The following SVIL variants were observed in gnomAD, a reference collection of about 807,000 sequenced individuals.
SVIL encodes archvillin.
In SVIL, 101 loss-of-function variants were observed where a neutral mutation model predicts 240.4. The observed-to-expected ratio is 0.42, with a 90% CI of 0.36 to 0.50. The LOEUF (loss-of-function observed/expected upper bound fraction) is 0.50, where lower values mean the gene tolerates loss of function less well. SVIL is among the 20% of genes least tolerant of loss of function. SVIL has a pLI of 0.01. For missense variants in SVIL, 2,512 were observed against 2,818.7 expected (o/e 0.89, Z 2.46); for synonymous variants, 999 against 1,100.0 (o/e 0.91, Z 1.82).
chr10:29,475,473 G>A (rs892773754), intron 29 of SVIL: 6 of 152,216 alleles, frequency 3.9e-5, no homozygotes, highest in African/African-American at 1.2e-4. Flanking sequence ...TGATGAACTC[G>A]ATGCTGGGTG....
chr10:29,664,577 T>A (rs776933353), intron 2 of SVIL, among the ~76,000 whole-genome samples: 6 of 152,116 alleles, frequency 3.9e-5, no homozygotes, highest in Admixed American at 2.6e-4. Context: ...TAATAATAAC[T>A]GTTGTTATTT....
chr10:29,462,634 A>G (rs1944398351), intron 35 of SVIL, among the ~76,000 whole-genome samples: 1 of 152,162 alleles, frequency 6.6e-6, no homozygotes, highest in African/African-American at 2.4e-5. Flanking sequence ...TCTTGAACCT[A>G]ACAAAACGCT....
intron 16 of SVIL, among the ~76,000 whole-genome samples, chr10:29,515,238 T>G (rs3780851): frequency 0.44 from 66,462 of 152,034 alleles, 15,194 homozygotes; most frequent in African/African-American, 0.55. Flanking sequence ...CTCGAATGTT[T>G]AACAACACCC....
intron 1 of SVIL, among the ~76,000 whole-genome samples, chr10:29,728,326 A>G (rs750451341): frequency 2.6e-5 from 4 of 152,372 alleles, no homozygotes; most frequent in African/African-American, 9.6e-5. Flanking sequence ...CGGGCAAGGA[A>G]AGCCAAAATA....
chr10:29,506,169 C>G (rs954472170), intron 17 of SVIL, among the ~76,000 whole-genome samples: 1 of 152,036 alleles, frequency 6.6e-6, no homozygotes, highest in Non-Finnish European at 1.5e-5. Flanking sequence ...GATGAAGGGC[C>G]GACTGTATAC....
chr10:29,585,842 G>C (rs774306880), intron 1 of SVIL, among the ~76,000 whole-genome samples: 1 of 152,154 alleles, frequency 6.6e-6, no homozygotes, highest in Non-Finnish European at 1.5e-5. Context: ...GCAGGTGTCC[G>C]ACGCCTCAGC....
chr10:29,509,358 A>AGAGAGAGAGAGAGAGAGAG (rs1554828028), intron 17 of SVIL, among the ~76,000 whole-genome samples: 19 of 128,864 alleles, frequency 1.5e-4, no homozygotes, highest in Middle Eastern at 4.3e-3. Flanking sequence ...AGAGAGAGAG[A>AGAGAGAGAGAGAGAGAGAG]GAGAGAGAGA....
At chr10:29,542,678 T>C (rs984248381) in intron 6 of SVIL, among the ~76,000 whole-genome samples, 3 of 152,220 alleles carry the variant, frequency 2.0e-5, no homozygotes, top group Non-Finnish European at 4.4e-5. Context: ...TCACAAACAA[T>C]TGATTATACT....
rs1944056783 is a variant in SVIL, at chr10:29,460,045, T to C, written c.6403-1456A>G. Among the ~76,000 whole-genome samples the C allele has an allele frequency of 2.0e-5, 3 of 152,216 alleles. No homozygotes were observed. The South Asian group carries it at 6.2e-4, about 32-fold the overall frequency. On this transcript the variant is annotated intron_variant, in intron 36 of 37. Coordinates refer to ENST00000355867, the MANE Select transcript of SVIL (RefSeq NM_021738.3). ...GGTTCAAGGTTTGTGTGAGCCATGA[T>C]TGAGTCACCACACTGCAGCCTGGGT...
intron 2 of SVIL, among the ~76,000 whole-genome samples, chr10:29,661,453 G>A (rs1056213062): frequency 2.2e-4 from 34 of 152,174 alleles, no homozygotes; most frequent in Admixed American, 1.5e-3. Context: ...ACAGGGCACC[G>A]GAGAAAGGAG....
chr10:29,635,169 A>G (rs1958263475), upstream of SVIL, among the ~76,000 whole-genome samples: 1 of 152,214 alleles, frequency 6.6e-6, no homozygotes, highest in Admixed American at 6.5e-5. Flanking sequence ...TAAAAATACA[A>G]CAGCAGTCTA....
chr10:29,644,066 GA>G, intron 3 of SVIL: 1 of 511,206 alleles, frequency 2.0e-6, no homozygotes, highest in South Asian at 1.4e-5. Context: ...TGGGCCACTA[GA>G]TATCTAAAAA....
intron 11 of SVIL, 91 bp downstream of exon 11, chr10:29,530,515 GC>G: frequency 7.0e-7 from 1 of 1,429,858 alleles, no homozygotes; most frequent in Non-Finnish European, 9.8e-7. Flanking sequence ...CAAACTCCTG[GC>G]CTCAAGTGAT....
chr10:29,582,818 AT>A (rs1956006712), intron 1 of SVIL, among the ~76,000 whole-genome samples: 1 of 152,086 alleles, frequency 6.6e-6, no homozygotes, highest in Admixed American at 6.6e-5. Flanking sequence ...ATCCCAGGAC[AT>A]AAGGTGCAGC....
Position 29,533,225 on chromosome 10 carries a change from G to A in SVIL, c.1142C>T (p.Thr381Met), listed in dbSNP as rs372993830. 87 of 1,613,968 alleles carry A rather than the reference G, an allele frequency of 5.4e-5. 1 individual carries two copies. The Middle Eastern group carries it at 8.2e-4, about 15-fold the overall frequency. The change falls in exon 8 of 38, where the codon ACG (threonine) becomes ATG (methionine). Residue 381 changes from threonine (T) to methionine (M), a missense_variant. Around this residue, in one of 3 missense-constraint regions of SVIL, gnomAD observed 1,443 missense variants for 1,486.6 expected, o/e 0.97. Coordinates refer to ENST00000355867, the MANE Select transcript of SVIL (RefSeq NM_021738.3). ...ADTGHTAKLV[T>M]PETPENASEC... ...AGATGCATTTTCTGGGGTTTCTGGC[G>A]TCACTAGCTTGGCGGTGTGACCGGT...
In SVIL at chr10:29,701,939, C is replaced by T. The variant is rs569277063; in HGVS notation, c.-399-15288G>A. 9.9e-5 allele frequency among the ~76,000 whole-genome samples: 15 copies of T among 152,096 alleles called. No homozygotes were observed. In the East Asian group the frequency reaches 2.5e-3, roughly 25 times the overall value. On this transcript the variant is annotated intron_variant, in intron 1 of 35. Transcript: ENST00000375400. ...CTGTAATCCCAGCACTTTGGGAGGCCGAGGCAGATGGATCACCTGAGGTCA... is the reference window on the plus strand; with the variant it reads ...CTGTAATCCCAGCACTTTGGGAGGCTGAGGCAGATGGATCACCTGAGGTCA...
intron 1 of SVIL, among the ~76,000 whole-genome samples, chr10:29,621,982 G>A (rs2132915920): frequency 6.6e-6 from 1 of 152,074 alleles, no homozygotes; most frequent in South Asian, 2.1e-4. Context: ...CGGGCGCGGT[G>A]GCTCACGCCT....
rs1211844970 is a variant in SVIL at position 29,531,171 on chromosome 10, C to G, written c.2044+83G>C. 2.2e-6 allele frequency: 3 copies of G among 1,372,904 alleles called. No individual in the cohort carries two copies. In the South Asian group the frequency reaches 3.7e-5, roughly 17 times the overall value. 85.0% of individuals were successfully genotyped at this position (1,372,904 alleles called of 1,614,324 possible). A position where few individuals can be genotyped will look rare whatever the true frequency, so the allele number is the denominator to read the frequency against. Reference sequence around the variant, plus strand: ...CACTGTTATGCTCCATCATCTTACTCTCTCAAAAAGCCAAAAACCTTATTA... The same window carrying G: ...CACTGTTATGCTCCATCATCTTACTGTCTCAAAAAGCCAAAAACCTTATTA... On this transcript the variant is annotated intron_variant, in intron 10 of 37. Transcript: ENST00000355867.
At chr10:29,655,473 C>T (rs1958971088) in intron 3 of SVIL, among the ~76,000 whole-genome samples, 1 of 152,232 alleles carries the variant, frequency 6.6e-6, no homozygotes, top group Admixed American at 6.5e-5. Context: ...CCACCTTCTT[C>T]TACTGCTTCG....
Sources: gnomAD v4.1 joint callset for allele counts (sites outside exome capture counted in the v4.1 genomes callset) on GRCh38, gnomAD v4.1.1 for gene constraint, gnomAD v4.1.1 regional missense constraint, MANE v1.5 for transcripts, NCBI Gene and HGNC (gene_info 2026-07-23, HGNC 2026-07-21) for gene names.